Variants in GLG1 observed in about 807,000 individuals in gnomAD.
GLG1 encodes Golgi apparatus protein 1.
GLG1 carries 38 observed loss-of-function variants against 160.5 expected under a neutral mutation model. The observed-to-expected ratio is 0.24, with a 90% CI of 0.18 to 0.31. GLG1 has a LOEUF of 0.31. GLG1 is among the 10% of genes least tolerant of loss of function. The probability of loss-of-function intolerance (pLI) is 1.00; values close to 1 mark genes in which losing one functional copy is unlikely to be tolerated. For missense variants in GLG1, 1,373 were observed against 1,505.2 expected (o/e 0.91, Z 1.45); for synonymous variants, 644 against 543.4 (o/e 1.19, Z -2.57).
chr16:74,575,888 GCTCT>G (rs148439527), intron 1 of GLG1, among the ~76,000 whole-genome samples: 16 of 150,792 alleles, frequency 1.1e-4, no homozygotes, highest in East Asian at 1.9e-4. Context: ...GTGCTCTCAT[GCTCT>G]CTCTCTCTCT....
chr16:74,581,737 C>G (rs1049669098), intron 1 of GLG1, among the ~76,000 whole-genome samples: 2 of 151,882 alleles, frequency 1.3e-5, no homozygotes, highest in Non-Finnish European at 2.9e-5. Flanking sequence ...ATGGTGAAAC[C>G]CCGTCTGTAC....
At chr16:74,550,874 G>A (rs951205091) in intron 1 of GLG1, among the ~76,000 whole-genome samples, 2 of 152,156 alleles carry the variant, frequency 1.3e-5, no homozygotes. Context: ...AAGCTGAGAG[G>A]CAGTATCAGT....
chr16:74,498,467 T>TATATATATATATATATATATATATA (rs1555510304), intron 4 of GLG1, among the ~76,000 whole-genome samples: 2 of 55,894 alleles, frequency 3.6e-5, no homozygotes, highest in African/African-American at 6.2e-5. Flanking sequence ...TATATATATA[T>TATATATATATATATATATATATATA]TATATTTTAT....
intron 3 of GLG1, among the ~76,000 whole-genome samples, chr16:74,504,319 G>A (rs2016520225): frequency 6.6e-6 from 1 of 152,108 alleles, no homozygotes; most frequent in Admixed American, 6.6e-5. Flanking sequence ...GCAGAGCCTT[G>A]CTCTGTCGCC....
At chr16:74,496,304 G>T in intron 5 of GLG1, 137 bp downstream of exon 5, 1 of 624,816 alleles carries the variant, frequency 1.6e-6, no homozygotes, top group Non-Finnish European at 2.7e-6. Context: ...ACTGCTTCAG[G>T]TCAGAAGTTC....
intron 15 of GLG1, 102 bp from the exon 16 acceptor site, chr16:74,470,175 G>C (rs2015145817): frequency 1.3e-6 from 1 of 750,052 alleles, no homozygotes; most frequent in African/African-American, 1.7e-5. Flanking sequence ...CTGTTTACAA[G>C]ACCCTGCATG....
At chr16:74,521,528 T>G (rs2017164183) in intron 2 of GLG1, among the ~76,000 whole-genome samples, 1 of 151,940 alleles carries the variant, frequency 6.6e-6, no homozygotes. Context: ...AGGAGAAGAA[T>G]CAAGGTTTCT....
Position 74,607,002 on chromosome 16 carries a change from G to C in GLG1, c.93C>G (p.Pro31=). 6.2e-7 allele frequency: 1 copy of C among 1,604,634 alleles called. No individual in the cohort carries two copies. Among genetic ancestry groups the C allele is most frequent in the Non-Finnish European group, 8.5e-7 (1 of 1,177,672 alleles). The change falls in exon 1 of 26, where the codon CCC becomes CCG. Residue 31 remains proline, a synonymous_variant. Transcript: ENST00000422840. ...LLFAAGAEKL[P]GQGVHSQGQG... is the part of the protein sequence containing the mutation. ...GGCCCTGGCTGTGGACGCCCTGGCC[G>C]GGGAGTTTCTCGGCCCCGGCCGCGA...
intron 24 of GLG1, among the ~76,000 whole-genome samples, chr16:74,457,146 G>C (rs1740042504): frequency 6.6e-6 from 1 of 152,194 alleles, no homozygotes; most frequent in South Asian, 2.1e-4. Flanking sequence ...TGTAATCCCA[G>C]CACTTTGGGA....
intron 13 of GLG1, 117 bp downstream of exon 13, chr16:74,474,429 T>C: frequency 1.5e-6 from 1 of 689,554 alleles, no homozygotes; most frequent in Non-Finnish European, 2.6e-6. Context: ...TGATCAGGTT[T>C]CTTTTGATTG....
intron 8 of GLG1, among the ~76,000 whole-genome samples, chr16:74,487,940 T>C (rs1049848640): frequency 6.6e-6 from 1 of 152,074 alleles, no homozygotes; most frequent in Non-Finnish European, 1.5e-5. Flanking sequence ...GCCCCTGGCA[T>C]GCCTAGGAAA....
chr16:74,471,378 T>C (rs1257771240), intron 14 of GLG1, 92 bp from the exon 15 acceptor site: 5 of 739,360 alleles, frequency 6.8e-6, no homozygotes, highest in Non-Finnish European at 1.2e-5. Context: ...GCAAGGTTAG[T>C]TCTAGAAGCC....
intron 2 of GLG1, among the ~76,000 whole-genome samples, chr16:74,520,496 C>T (rs1434664828): frequency 2.0e-5 from 3 of 152,078 alleles, no homozygotes; most frequent in East Asian, 1.9e-4. Flanking sequence ...ATTAGCTGGG[C>T]GTGGTGGCGC....
intron 14 of GLG1, among the ~76,000 whole-genome samples, 171 bp from the exon 15 acceptor site, chr16:74,471,457 C>T (rs1204242542): frequency 1.3e-5 from 2 of 152,152 alleles, no homozygotes; most frequent in East Asian, 3.9e-4. Context: ...GGTATACATT[C>T]AGTGGCATAA....
chr16:74,602,774 C>T (rs1958471075), intron 1 of GLG1, among the ~76,000 whole-genome samples: 1 of 149,706 alleles, frequency 6.7e-6, no homozygotes, highest in South Asian at 2.1e-4. Context: ...CAGAGTGAGA[C>T]TCTGTCTCTC....
chr16:74,512,482 C>T (rs966467362), intron 2 of GLG1, among the ~76,000 whole-genome samples: 6 of 151,946 alleles, frequency 3.9e-5, no homozygotes, highest in Non-Finnish European at 8.8e-5. Context: ...CCAGGATGGT[C>T]TCGATCTCCT....
At chr16:74,560,363 T>C (rs1199122606) in intron 1 of GLG1, among the ~76,000 whole-genome samples, 1 of 141,578 alleles carries the variant, frequency 7.1e-6, no homozygotes, top group African/African-American at 2.7e-5. Flanking sequence ...AGTCTCACTC[T>C]GTCGCCCAGG....
chr16:74,498,639 TG>T, intron 4 of GLG1, among the ~76,000 whole-genome samples: 1 of 145,306 alleles, frequency 6.9e-6, no homozygotes, highest in Admixed American at 6.9e-5. Flanking sequence ...CCGAGGCGGG[TG>T]GATCATCTGA....
At chr16:74,473,237 G>T (rs535900120) in intron 13 of GLG1, among the ~76,000 whole-genome samples, 1 of 151,308 alleles carries the variant, frequency 6.6e-6, no homozygotes, top group Non-Finnish European at 1.5e-5. Context: ...TTATTGAGAC[G>T]GAGTCTGGCT....
Sources: gnomAD v4.1 joint callset for allele counts (sites outside exome capture counted in the v4.1 genomes callset) on GRCh38, gnomAD v4.1.1 for gene constraint, MANE v1.5 for transcripts, NCBI Gene and HGNC (gene_info 2026-07-23, HGNC 2026-07-21) for gene names.